Variants in MON2 observed in about 807,000 individuals in gnomAD.
The protein encoded by MON2 is MON2 regulator of endosome-to-Golgi trafficking, also known as protein MON2 homolog.
Under a neutral mutation model 208.6 loss-of-function variants are expected in MON2, and 84 were observed. The observed-to-expected ratio is 0.40, with a 90% confidence interval of 0.34 to 0.48. MON2 has a LOEUF of 0.48. MON2 is among the 20% of genes least tolerant of loss of function. MON2 has a pLI of 0.59. For missense variants in MON2, 1,611 were observed against 2,015.4 expected, an observed-to-expected ratio of 0.80 and a Z score of 3.84; for synonymous variants, 660 against 694.0, an observed-to-expected ratio of 0.95 and a Z score of 0.77.
chr12:62,580,231 C>T lies in MON2; in HGVS notation c.4576-66C>T, dbSNP rs1343478999. The T allele has an allele frequency of 1.4e-5, 20 of 1,470,530 alleles. No individual in the cohort carries two copies. The East Asian group carries it at 2.5e-4, about 19-fold the overall frequency. The allele number at this position is 1,470,530 out of a possible 1,614,324, so 91.1% of individuals were successfully genotyped here. A position where few individuals can be genotyped will look rare whatever the true frequency, so the allele number is the denominator to read the frequency against. On this transcript the variant is annotated intron_variant, in intron 31 of 34. Transcript: ENST00000393630. ...CATTTAAAGTAAAATTTAAATTTTACTCTAGAAATTATTTTAGTCTCTTTC... is the reference window on the plus strand; with the variant it reads ...CATTTAAAGTAAAATTTAAATTTTATTCTAGAAATTATTTTAGTCTCTTTC...
chr12:62,580,434 T>G lies in MON2; in HGVS notation c.4699+14T>G. On this transcript the variant is annotated intron_variant, in intron 32 of 34. Transcript: ENST00000393630. ...CTTCATTTACAGGTATGTTAATTTT[T>G]TTAAGTATTAAAAAGTATTGAAGTA... is the stretch of plus-strand genomic sequence containing the variant. The G allele has an allele frequency of 1.6e-5, 25 of 1,578,822 alleles. No homozygotes were observed. The highest frequency in any genetic ancestry group is 2.2e-5 in the Non-Finnish European group (25 of 1,155,094).
intron 26 of MON2, among the ~76,000 whole-genome samples, chr12:62,561,850 C>G (rs900553187): frequency 1.3e-5 from 2 of 151,994 alleles, no homozygotes; most frequent in Non-Finnish European, 2.9e-5. Context: ...TATCAGTAAC[C>G]ATTTGTGTAG....
chr12:62,535,593 T>C lies in MON2; in HGVS notation c.1784T>C (p.Leu595Pro). The change falls in exon 14 of 35, where the codon CTG becomes CCG. Residue 595 changes from leucine to proline, a missense_variant. Coordinates refer to ENST00000393630, the MANE Select transcript of MON2 (RefSeq NM_015026.3). ...ACTATGGCTGCTCTTTGTGGAAGACTGGGCCTTGTAACTTCAAGAGATGCC... is the reference window on the plus strand; with the variant it reads ...ACTATGGCTGCTCTTTGTGGAAGACCGGGCCTTGTAACTTCAAGAGATGCC... ...ELTMAALCGR[L>P]GLVTSRDAFI... 1 of 1,613,856 alleles carries C rather than the reference T, an allele frequency of 6.2e-7. No individual in the cohort carries two copies. The highest frequency in any genetic ancestry group is 8.5e-7 in the Non-Finnish European group (1 of 1,179,840).
chr12:62,516,474 G>A (rs1353874097), intron 8 of MON2, among the ~76,000 whole-genome samples: 2 of 152,166 alleles, frequency 1.3e-5, no homozygotes, highest in East Asian at 3.9e-4. Context: ...GGAGGCCAAG[G>A]CGGCCAGATC....
chr12:62,535,076 T>TGAG, intron 13 of MON2, 150 bp downstream of exon 13: 1 of 607,580 alleles, frequency 1.6e-6, no homozygotes, highest in Non-Finnish European at 2.8e-6. Context: ...TCCCCCTTCC[T>TGAG]CATTCTGTCC....
At position 62,538,168 on chromosome 12, in the gene MON2, C is replaced by A. The variant is rs1463468954; in HGVS notation, c.2191C>A (p.Pro731Thr). ...GAAACCTGGGAGAGCTGTAGAAGGA[C>A]CCAGTACAGTAAGCTCTAGTCTTTC... ...ALKPGRAVEGPSTVLTTAVMT... is the reference protein window; with the variant it reads ...ALKPGRAVEGTSTVLTTAVMT... The change falls in exon 17 of 35, where the codon CCC becomes ACC. Residue 731 changes from proline to threonine, a missense_variant. By Grantham distance (38) the Pro-to-Thr change is conservative. Coordinates refer to ENST00000393630, the MANE Select transcript of MON2 (RefSeq NM_015026.3). 1 of 1,613,418 alleles carries A rather than the reference C, an allele frequency of 6.2e-7. No homozygotes were observed. The highest frequency in any genetic ancestry group is 2.2e-5 in the East Asian group (1 of 44,834).
At chr12:62,514,546 G>C (rs2071588889) in intron 8 of MON2, among the ~76,000 whole-genome samples, 1 of 152,158 alleles carries the variant, frequency 6.6e-6, no homozygotes, top group South Asian at 2.1e-4. Flanking sequence ...AAAACCATCA[G>C]ATCTCATGAG....
At chr12:62,486,215 C>T (rs1459690351) in intron 2 of MON2, among the ~76,000 whole-genome samples, 1 of 149,964 alleles carries the variant, frequency 6.7e-6, no homozygotes, top group Non-Finnish European at 1.5e-5. Context: ...TCCAATAATA[C>T]AAATTTTTAT....
intron 1 of MON2, among the ~76,000 whole-genome samples, chr12:62,483,392 C>A (rs747254163): frequency 6.6e-5 from 10 of 152,158 alleles, no homozygotes; most frequent in Non-Finnish European, 1.3e-4. Context: ...AAAAAGAAAA[C>A]AAAGTAGCTT....
rs1190942771 is a variant in MON2, at chr12:62,495,075, A to C, written c.363A>C (p.Glu121Asp). ...LWQLMENSLE[E>D]LKLLQTVLVL... ...AGCTAATGGAGAATAGTCTTGAAGA[A>C]CTTAAGCTACTTCAAACAGTTCTTG... Residue 121 changes from glutamate (E) to aspartate (D), a missense_variant, in exon 4 of 35, where the codon GAA becomes GAC. Glu to Asp is a conservative substitution (Grantham distance 45, BLOSUM62 2). Coordinates refer to ENST00000393630, the MANE Select transcript of MON2 (RefSeq NM_015026.3). 6.2e-7 allele frequency: 1 copy of C among 1,611,410 alleles called. No individual in the cohort carries two copies. The highest frequency in any genetic ancestry group is 1.1e-5 in the South Asian group (1 of 90,998).
At chr12:62,572,034 C>G (rs182194631) in intron 30 of MON2, among the ~76,000 whole-genome samples, 1 of 152,096 alleles carries the variant, frequency 6.6e-6, no homozygotes, top group Non-Finnish European at 1.5e-5. Flanking sequence ...TAATTTAAAG[C>G]TTGTATTTAG....
chr12:62,485,436 G>A lies in MON2; in HGVS notation c.175+1203G>A, dbSNP rs563618020. On this transcript the variant is annotated intron_variant, in intron 2 of 34. Coordinates refer to ENST00000393630, the MANE Select transcript of MON2 (RefSeq NM_015026.3). The stretch of plus-strand genomic sequence containing the variant: ...GATTTTTGGGGTCAGATTAAGGATC[G>A]GGGGCAAGAGTGGATTTCACTTAGG... 8.8e-4 allele frequency among the ~76,000 whole-genome samples: 134 copies of A among 151,666 alleles called. No individual in the cohort carries two copies. In the Middle Eastern group the frequency reaches 0.014, roughly 15 times the overall value.
chr12:62,468,313 GGCGTGAGCCACAGC>G (rs2068613633), intron 1 of MON2, among the ~76,000 whole-genome samples: 1 of 152,096 alleles, frequency 6.6e-6, no homozygotes, highest in Non-Finnish European at 1.5e-5. Context: ...TGGGATTACA[GGCGTGAGCCACAGC>G]GCCCGGCTGT....
intron 1 of MON2, among the ~76,000 whole-genome samples, chr12:62,468,682 T>C (rs766649603): frequency 1.3e-5 from 2 of 152,246 alleles, no homozygotes; most frequent in African/African-American, 4.8e-5. Context: ...TGTTTTGATA[T>C]TGATTTTCAT....
chr12:62,510,557 C>A (rs1287219579), intron 8 of MON2, among the ~76,000 whole-genome samples: 1 of 152,090 alleles, frequency 6.6e-6, no homozygotes. Context: ...TCAATTGATG[C>A]AGAAAAAGTA....
At chr12:62,555,807 TA>T (rs36090980) in intron 24 of MON2, among the ~76,000 whole-genome samples, 186 bp from the exon 25 acceptor site, 44,771 of 120,160 alleles carry the variant, frequency 0.37, 7,415 homozygotes, top group Middle Eastern at 0.42. Context: ...AGACTCCATC[TA>T]AAAAAAAAAA....
At chr12:62,473,750 TC>T (rs796538332) in intron 1 of MON2, among the ~76,000 whole-genome samples, 19 of 152,084 alleles carry the variant, frequency 1.2e-4, no homozygotes, top group African/African-American at 4.6e-4. Context: ...TTGTATTTTT[TC>T]ATAGTGACAG....
At chr12:62,476,721 G>A (rs912430222) in intron 1 of MON2, among the ~76,000 whole-genome samples, 6 of 152,122 alleles carry the variant, frequency 3.9e-5, no homozygotes, top group African/African-American at 1.4e-4. Context: ...ACAGGCATGA[G>A]CCACCATGCC....
At chr12:62,503,846 C>G (rs1246493519) in intron 7 of MON2, among the ~76,000 whole-genome samples, 3 of 152,136 alleles carry the variant, frequency 2.0e-5, no homozygotes, top group Non-Finnish European at 2.9e-5. Flanking sequence ...CGTCAACTTA[C>G]CAGACACATC....
Sources: gnomAD v4.1 joint callset for allele counts (sites outside exome capture counted in the v4.1 genomes callset) on GRCh38, gnomAD v4.1.1 for gene constraint, MANE v1.5 for transcripts, NCBI Gene and HGNC (gene_info 2026-07-23, HGNC 2026-07-21) for gene names.